The following NAV3 variants were observed in gnomAD, a reference collection of about 807,000 sequenced individuals.
NAV3 encodes pore membrane and/or filament interacting like protein 1.
A neutral mutation model predicts 244.7 loss-of-function variants in NAV3; 87 were observed. The observed-to-expected ratio is 0.36, with a 90% CI of 0.30 to 0.42. NAV3 has a LOEUF of 0.42. Ranked by LOEUF, NAV3 falls within the 20% of genes least tolerant of loss-of-function variation. The probability of loss-of-function intolerance (pLI) is 1.00; values close to 1 mark genes in which losing one functional copy is unlikely to be tolerated. For missense variants in NAV3, 2,663 were observed against 2,893.3 expected, an observed-to-expected ratio of 0.92 and a Z score of 1.83; for synonymous variants, 1,126 against 1,042.2, an observed-to-expected ratio of 1.08 and a Z score of -1.55.
Position 77,770,822 on chromosome 12 carries a change from C to G in NAV3, c.73-169497C>G, listed in dbSNP as rs191885235. 2.7e-3 allele frequency among the ~76,000 whole-genome samples: 415 copies of G among 152,246 alleles called. 1 individual carries two copies. Among genetic ancestry groups the G allele is most frequent in the Non-Finnish European group, 2.4e-3 (160 of 68,020 alleles). ...AACCATAAAACCCCTAGAAGAAAAC[C>G]TAGGCAATACCATTCAGGAAATAAG... is the stretch of plus-strand genomic sequence containing the variant. On this transcript the variant is annotated intron_variant, in intron 2 of 8. Transcript: ENST00000550042.
At chr12:77,988,456 T>A (rs2619051) in intron 5 of NAV3, among the ~76,000 whole-genome samples, 126,990 of 152,130 alleles carry the variant, frequency 0.83, 53,216 homozygotes, top group East Asian at 0.98. Flanking sequence ...GATCACCAGA[T>A]GAATTCCATA....
chr12:77,942,088 A>T (rs561160721), intron 3 of NAV3, among the ~76,000 whole-genome samples: 1 of 152,342 alleles, frequency 6.6e-6, no homozygotes, highest in African/African-American at 2.4e-5. Flanking sequence ...TTTTAAAATA[A>T]TTGGCCAGAT....
At chr12:78,166,704 A>G (rs1957794554) in intron 23 of NAV3, among the ~76,000 whole-genome samples, 1 of 151,818 alleles carries the variant, frequency 6.6e-6, no homozygotes, top group Non-Finnish European at 1.5e-5. Flanking sequence ...CTGAAAAAGC[A>G]ACATTGCCTG....
Position 78,137,185 on chromosome 12 carries a change from A to G in NAV3, c.4450A>G (p.Thr1484Ala). ...KYHFSNLVSP[T>A]NLSQFNLPGP... is the part of the protein sequence containing the mutation. Reference sequence around the variant, plus strand: ...TGTGTTTTGTTTTTCAGTGAGCCCAACAAATTTGTCTCAGTTTAACCTTCC... The same window carrying G: ...TGTGTTTTGTTTTTCAGTGAGCCCAGCAAATTTGTCTCAGTTTAACCTTCC... Residue 1484 changes from threonine (T) to alanine (A), a missense_variant, in exon 19 of 40, where the codon ACA becomes GCA. Around this residue, in one of 6 missense-constraint regions of NAV3, gnomAD observed 354 missense variants for 413.0 expected, o/e 0.86. Coordinates refer to ENST00000397909, the MANE Select transcript of NAV3 (RefSeq NM_001024383.2). 1 of 1,610,348 alleles carries G rather than the reference A, an allele frequency of 6.2e-7. No individual in the cohort carries two copies. Among genetic ancestry groups the G allele is most frequent in the Non-Finnish European group, 8.5e-7 (1 of 1,178,320 alleles).
chr12:77,828,119 GGTGA>G (rs1873207752), upstream of NAV3, among the ~76,000 whole-genome samples: 1 of 152,154 alleles, frequency 6.6e-6, no homozygotes, highest in East Asian at 1.9e-4. Flanking sequence ...GACATTAAAA[GGTGA>G]GTAGGCCATG....
intron 2 of NAV3, among the ~76,000 whole-genome samples, chr12:77,622,969 T>C (rs1339823227): frequency 6.6e-6 from 1 of 152,184 alleles, no homozygotes; most frequent in Admixed American, 6.5e-5. Context: ...TCACAGTGAC[T>C]TTCAGTCAGT....
chr12:78,138,058 T>G (rs1431642980), intron 19 of NAV3, among the ~76,000 whole-genome samples: 2 of 152,140 alleles, frequency 1.3e-5, no homozygotes, highest in Non-Finnish European at 2.9e-5. Flanking sequence ...TTTAATGAAT[T>G]TTTTTAGTAT....
chr12:77,637,362 C>T (rs1330719750), intron 2 of NAV3, among the ~76,000 whole-genome samples: 1 of 151,886 alleles, frequency 6.6e-6, no homozygotes, highest in African/African-American at 2.4e-5. Flanking sequence ...GGAAAATATC[C>T]CCATGATCAG....
chr12:78,082,528 G>T (rs764804284), intron 12 of NAV3, among the ~76,000 whole-genome samples: 1 of 151,970 alleles, frequency 6.6e-6, no homozygotes, highest in African/African-American at 2.4e-5. Context: ...TTTTAAGCAC[G>T]CTGTGTATGA....
At chr12:78,074,904 A>G (rs1353414870) in intron 12 of NAV3, among the ~76,000 whole-genome samples, 3 of 152,216 alleles carry the variant, frequency 2.0e-5, no homozygotes, top group African/African-American at 4.8e-5. Flanking sequence ...TTGAAATAGT[A>G]GATAACTGTC....
chr12:77,866,673 T>C (rs1200613718), intron 1 of NAV3, among the ~76,000 whole-genome samples: 1 of 152,234 alleles, frequency 6.6e-6, no homozygotes, highest in African/African-American at 2.4e-5. Context: ...ATTTAAAACC[T>C]CATATGTTTG....
rs1297403135 is a variant in NAV3, at chr12:77,831,611, C to T, written c.150C>T (p.Ser50=). The stretch of plus-strand genomic sequence containing the variant: ...TGGAACTTACTGAAACAGAGAGCTC[C>T]ATGCTTTCTTGTCAGCTTGCGTTAA... ...RPLELTETES[S]MLSCQLALKS... The change falls in exon 1 of 40, where the codon TCC becomes TCT. Residue 50 remains serine (S), a synonymous_variant. Transcript: ENST00000397909. The T allele has an allele frequency of 1.2e-6, 2 of 1,614,048 alleles. No homozygotes were observed. The highest frequency in any genetic ancestry group is 1.7e-5 in the Admixed American group (1 of 60,024).
At chr12:77,875,116 G>T (rs1881660298) in intron 1 of NAV3, among the ~76,000 whole-genome samples, 1 of 152,030 alleles carries the variant, frequency 6.6e-6, no homozygotes, top group Non-Finnish European at 1.5e-5. Context: ...TTATGCAAAA[G>T]AAAATATTTT....
chr12:78,191,501 T>A (rs1429531635), intron 34 of NAV3, among the ~76,000 whole-genome samples: 2 of 152,128 alleles, frequency 1.3e-5, no homozygotes, highest in African/African-American at 4.8e-5. Flanking sequence ...TATGTGTCCT[T>A]CAAAAACAAC....
At position 78,198,481 on chromosome 12, in the gene NAV3, C is replaced by G. The variant is rs1033580499; in HGVS notation, c.6447-124C>G. On this transcript the variant is annotated intron_variant, in intron 35 of 39. Transcript: ENST00000397909. ...TGTCATTTTCCATTACAGAATTACC[C>G]TTTAAAAGACAAATATTGAAATGGA... 12 of 521,592 alleles carry G rather than the reference C, an allele frequency of 2.3e-5. No homozygotes were observed. The South Asian group carries it at 2.9e-4, about 13-fold the overall frequency. 32.3% of individuals were successfully genotyped at this position (521,592 alleles called of 1,614,324 possible).
chr12:77,593,586 A>G (rs1870017509), intron 2 of NAV3, among the ~76,000 whole-genome samples: 1 of 143,948 alleles, frequency 6.9e-6, no homozygotes, highest in Non-Finnish European at 1.5e-5. Flanking sequence ...AGTAGCTGGG[A>G]TTACAGGTGC....
At chr12:77,876,682 A>G (rs1050872848) in intron 1 of NAV3, among the ~76,000 whole-genome samples, 3 of 152,096 alleles carry the variant, frequency 2.0e-5, no homozygotes, top group Admixed American at 6.6e-5. Flanking sequence ...ATTTCCTATG[A>G]TAAAGTATAA....
chr12:78,187,564 A>T (rs1325056914), intron 31 of NAV3, among the ~76,000 whole-genome samples: 1 of 151,886 alleles, frequency 6.6e-6, no homozygotes, highest in East Asian at 1.9e-4. Flanking sequence ...CATCCTACAA[A>T]AAAGATAGAT....
intron 5 of NAV3, among the ~76,000 whole-genome samples, chr12:77,978,228 G>A (rs1168205577): frequency 6.6e-5 from 10 of 152,102 alleles, no homozygotes; most frequent in African/African-American, 2.4e-4. Flanking sequence ...TAAATATGTA[G>A]ATAACAACAA....
Sources: allele counts gnomAD v4.1 joint callset (sites outside exome capture counted in the v4.1 genomes callset), GRCh38; gene constraint gnomAD v4.1.1; regional missense constraint gnomAD v4.1.1; transcripts MANE v1.5; gene names NCBI Gene and HGNC (gene_info 2026-07-23, HGNC 2026-07-21).